The following PPP2R5A variants were observed in gnomAD, a reference collection of about 807,000 sequenced individuals.
The protein encoded by PPP2R5A is protein phosphatase 2 regulatory subunit B'alpha.
A neutral mutation model predicts 64.2 loss-of-function variants in PPP2R5A; 25 were observed. The ratio of observed to expected loss-of-function variants is 0.39; its 90% confidence interval spans 0.28 to 0.54. PPP2R5A has a LOEUF of 0.54. Among genes scored for constraint, PPP2R5A ranks in the 20% least tolerant of loss-of-function variants. PPP2R5A has a pLI of 0.67. For synonymous variants in PPP2R5A, 198 were observed against 201.2 expected, an observed-to-expected ratio of 0.98 and a Z score of 0.13; for missense variants, 425 against 576.3, an observed-to-expected ratio of 0.74 and a Z score of 2.69.
At chr1:212,295,567 C>A (rs73082432) in intron 1 of PPP2R5A, among the ~76,000 whole-genome samples, 10,330 of 152,164 alleles carry the variant, frequency 0.068, 1,146 homozygotes, top group African/African-American at 0.23. Context: ...AATGAGAAGA[C>A]TCCAAGGAAT....
chr1:212,356,522 G>T (rs1190047098), intron 8 of PPP2R5A, 104 bp from the exon 9 acceptor site: 2 of 1,058,618 alleles, frequency 1.9e-6, no homozygotes, highest in Non-Finnish European at 2.7e-6. Flanking sequence ...AAGCAATATT[G>T]ATTTACTTCA....
chr1:212,291,934 A>G (rs998823984), intron 1 of PPP2R5A, among the ~76,000 whole-genome samples: 3 of 152,230 alleles, frequency 2.0e-5, no homozygotes, highest in Non-Finnish European at 4.4e-5. Flanking sequence ...ATAATAAGTA[A>G]TGATTTCAAC....
intron 1 of PPP2R5A, among the ~76,000 whole-genome samples, chr1:212,325,596 G>A (rs1055765803): frequency 9.2e-5 from 14 of 152,010 alleles, no homozygotes; most frequent in Non-Finnish European, 1.3e-4. Context: ...CTTTTAGAAC[G>A]CAGCCTCTCA....
chr1:212,342,004 G>A (rs1659693327), intron 3 of PPP2R5A, among the ~76,000 whole-genome samples, 184 bp from the exon 4 acceptor site: 1 of 152,112 alleles, frequency 6.6e-6, no homozygotes, highest in Non-Finnish European at 1.5e-5. Context: ...TTCCTAAAGT[G>A]TGTTGGGAGT....
chr1:212,335,620 C>T (rs919030648), intron 3 of PPP2R5A, among the ~76,000 whole-genome samples: 3 of 152,048 alleles, frequency 2.0e-5, no homozygotes, highest in African/African-American at 7.2e-5. Context: ...GAGCGGTGTC[C>T]TAGGATTAGT....
In PPP2R5A at chr1:212,347,373, A is replaced by G; in HGVS notation, c.731A>G (p.Asn244Ser). 1.3e-6 allele frequency: 2 copies of G among 1,594,284 alleles called. No individual in the cohort carries two copies. Among genetic ancestry groups the G allele is most frequent in the Non-Finnish European group, 1.7e-6 (2 of 1,164,168 alleles). ...TTTATATATGAAACAGAACATTTCA[A>G]TGGTGTTGCTGAACTTCTTGAAATA... Reference protein sequence around the residue: ...LRFIYETEHFNGVAELLEILG... With the variant: ...LRFIYETEHFSGVAELLEILG... Residue 244 changes from asparagine (N) to serine (S), a missense_variant, in exon 6 of 13, where the codon AAT becomes AGT. Coordinates refer to ENST00000261461, the MANE Select transcript of PPP2R5A (RefSeq NM_006243.4).
At chr1:212,314,629 C>T (rs1162521915) in intron 1 of PPP2R5A, among the ~76,000 whole-genome samples, 1 of 150,278 alleles carries the variant, frequency 6.7e-6, no homozygotes, top group Non-Finnish European at 1.5e-5. Flanking sequence ...CAAGTCTCAG[C>T]TCACTGCAAA....
intron 1 of PPP2R5A, among the ~76,000 whole-genome samples, chr1:212,292,960 T>C (rs553197771): frequency 1.3e-5 from 2 of 152,226 alleles, no homozygotes; most frequent in South Asian, 2.1e-4. Context: ...GTTCTTAGTT[T>C]CTGTTTTTGG....
rs1477821808 is a variant in PPP2R5A at position 212,359,800 on chromosome 1, G to T, written c.1329-838G>T. On this transcript the variant is annotated intron_variant, in intron 12 of 12. Coordinates refer to ENST00000261461, the MANE Select transcript of PPP2R5A (RefSeq NM_006243.4). ...AAATAGCAGCATTCAGGCAGGAATAGAAATTAAGTACATGTTTTGAGCCTC... is the reference window on the plus strand; with the variant it reads ...AAATAGCAGCATTCAGGCAGGAATATAAATTAAGTACATGTTTTGAGCCTC... Among the ~76,000 whole-genome samples the T allele has an allele frequency of 2.6e-5, 4 of 152,130 alleles. No individual in the cohort carries two copies. In the East Asian group the frequency reaches 7.7e-4, roughly 29 times the overall value.
chr1:212,321,415 C>A (rs373106615), intron 1 of PPP2R5A, among the ~76,000 whole-genome samples: 1 of 151,968 alleles, frequency 6.6e-6, no homozygotes, highest in African/African-American at 2.4e-5. Context: ...GGCGGAGACG[C>A]TCCTCACTTC....
rs191047973 is a variant in PPP2R5A, at chr1:212,329,744, T to G, written c.378+413T>G. 7.3e-4 allele frequency among the ~76,000 whole-genome samples: 111 copies of G among 152,306 alleles called. 1 individual carries two copies. The highest frequency in any genetic ancestry group is 1.0e-4 in the Non-Finnish European group (7 of 68,018). ...TCACTGCAACCTCTGCCTCCCAGTTTCAAGCAGTTCTCTGCCTCAGCCTCC... is the reference window on the plus strand; with the variant it reads ...TCACTGCAACCTCTGCCTCCCAGTTGCAAGCAGTTCTCTGCCTCAGCCTCC... On this transcript the variant is annotated intron_variant, in intron 2 of 12. Coordinates refer to ENST00000261461, the MANE Select transcript of PPP2R5A (RefSeq NM_006243.4).
intron 8 of PPP2R5A, among the ~76,000 whole-genome samples, chr1:212,352,513 G>A (rs34210442): frequency 1.9e-4 from 29 of 151,734 alleles, no homozygotes; most frequent in African/African-American, 4.6e-4. Flanking sequence ...GCAGTAGTAC[G>A]ATTGTGGCTG....
chr1:212,348,915 C>G (rs995398653), intron 7 of PPP2R5A, among the ~76,000 whole-genome samples: 4 of 152,082 alleles, frequency 2.6e-5, no homozygotes, highest in African/African-American at 4.8e-5. Flanking sequence ...ATTGTTAGCT[C>G]TAGTCTTATT....
At chr1:212,310,862 C>G (rs769604704) in intron 1 of PPP2R5A, among the ~76,000 whole-genome samples, 2 of 152,162 alleles carry the variant, frequency 1.3e-5, no homozygotes, top group Non-Finnish European at 2.9e-5. Context: ...CTGATAGGTC[C>G]TACTCCTTAC....
intron 11 of PPP2R5A, chr1:212,358,254 A>G (rs2102451664): frequency 6.5e-6 from 1 of 153,512 alleles, no homozygotes; most frequent in East Asian, 1.9e-4. Flanking sequence ...CCCTCTATAA[A>G]TGGCACTGTC....
At chr1:212,327,233 AATTT>A (rs1558148512) in intron 1 of PPP2R5A, among the ~76,000 whole-genome samples, 1 of 152,206 alleles carries the variant, frequency 6.6e-6, no homozygotes, top group Non-Finnish European at 1.5e-5. Context: ...TGATTTTTAA[AATTT>A]ACTTTCAGAA....
At chr1:212,342,078 A>G (rs1659695106) in intron 3 of PPP2R5A, 110 bp from the exon 4 acceptor site, 6 of 1,417,504 alleles carry the variant, frequency 4.2e-6, no homozygotes, top group South Asian at 1.5e-5. Flanking sequence ...ATGAGATCTG[A>G]AATCTCCCCA....
chr1:212,309,615 AT>A, intron 1 of PPP2R5A: 2 of 594,228 alleles, frequency 3.4e-6, no homozygotes, highest in African/African-American at 3.7e-5. Context: ...TAAATCCAAC[AT>A]ACGGTCACTC....
chr1:212,317,350 G>A (rs1489801191), intron 1 of PPP2R5A, among the ~76,000 whole-genome samples: 2 of 32,752 alleles, frequency 6.1e-5, no homozygotes, highest in Non-Finnish European at 1.2e-4. Flanking sequence ...TTAGAATACA[G>A]CTTTTAAAGG....
Sources: gnomAD v4.1 joint callset for allele counts (sites outside exome capture counted in the v4.1 genomes callset) on GRCh38, gnomAD v4.1.1 for gene constraint, MANE v1.5 for transcripts, NCBI Gene and HGNC (gene_info 2026-07-23, HGNC 2026-07-21) for gene names.